Variants in AKAP19 observed in about 807,000 individuals in gnomAD.
AKAP19 encodes the protein A-kinase anchoring protein 19, also known as small A-kinase anchoring protein.
chr2:190,048,976 T>G, the AKAP19 span, among the ~76,000 whole-genome samples: 13 of 152,284 alleles, frequency 8.5e-5, no homozygotes, highest in African/African-American at 3.1e-4. Flanking sequence ...AGATGCATTT[T>G]GGAATATACT....
chr2:189,902,388 A>G, the AKAP19 span, among the ~76,000 whole-genome samples: 1 of 151,996 alleles, frequency 6.6e-6, no homozygotes, highest in African/African-American at 2.4e-5. Flanking sequence ...GAGGATTAAT[A>G]TGAGAATTAA....
At chr2:190,168,479 A>T in the AKAP19 span, among the ~76,000 whole-genome samples, 1 of 151,970 alleles carries the variant, frequency 6.6e-6, no homozygotes, top group South Asian at 2.1e-4. Flanking sequence ...TACTTATACA[A>T]ATTTCTGCAG....
the AKAP19 span, among the ~76,000 whole-genome samples, chr2:189,880,563 C>CAGTG: frequency 6.6e-6 from 1 of 152,094 alleles, no homozygotes; most frequent in East Asian, 1.9e-4. Flanking sequence ...AAGGAATAGT[C>CAGTG]AGTGTATTGT....
At chr2:189,947,762 T>TG in the AKAP19 span, among the ~76,000 whole-genome samples, 1 of 152,194 alleles carries the variant, frequency 6.6e-6, no homozygotes, top group Admixed American at 6.5e-5. Flanking sequence ...AGATTACTCT[T>TG]GGTGATTTCT....
chr2:189,965,799 G>A, the AKAP19 span, among the ~76,000 whole-genome samples: 1,106 of 152,226 alleles, frequency 7.3e-3, 12 homozygotes, highest in Non-Finnish European at 0.012. Flanking sequence ...CCACTACTAG[G>A]TATCTACCCA....
the AKAP19 span, among the ~76,000 whole-genome samples, chr2:189,974,386 G>A: frequency 6.6e-6 from 1 of 152,144 alleles, no homozygotes; most frequent in African/African-American, 2.4e-5. Context: ...GCTGAGGAGT[G>A]CTTTACTTCC....
the AKAP19 span, among the ~76,000 whole-genome samples, chr2:190,179,998 AGTGGTATTCAATG>A: frequency 6.6e-6 from 1 of 152,244 alleles, no homozygotes; most frequent in Non-Finnish European, 1.5e-5. The surrounding 1 kb of genome is among the most constrained non-coding windows in gnomAD (Gnocchi z 6.0). Context: ...GTTTTGAGGC[AGTGGTATTCAATG>A]CTTTAAAGAG....
chr2:190,145,965 G>A, the AKAP19 span, among the ~76,000 whole-genome samples: 1 of 121,348 alleles, frequency 8.2e-6, no homozygotes, highest in South Asian at 3.1e-4. Context: ...CTTCCTGATG[G>A]TTATTCCATT....
chr2:190,158,416 G>A, the AKAP19 span, among the ~76,000 whole-genome samples: 19 of 152,034 alleles, frequency 1.2e-4, no homozygotes, highest in Non-Finnish European at 1.3e-4. Flanking sequence ...AATTGGTGAC[G>A]TATTTCTCAC....
the AKAP19 span, among the ~76,000 whole-genome samples, chr2:190,033,225 A>G: frequency 6.6e-6 from 1 of 152,216 alleles, no homozygotes; most frequent in Non-Finnish European, 1.5e-5. Context: ...TTTTTAAATT[A>G]TATATACTCT....
the AKAP19 span, among the ~76,000 whole-genome samples, chr2:190,097,064 A>AT: frequency 2.6e-5 from 4 of 151,786 alleles, no homozygotes; most frequent in Admixed American, 6.6e-5. Flanking sequence ...AAGTCTCAAA[A>AT]TTTTTTTTTC....
At chr2:190,050,891 G>T in the AKAP19 span, among the ~76,000 whole-genome samples, 3 of 152,174 alleles carry the variant, frequency 2.0e-5, no homozygotes, top group African/African-American at 7.2e-5. Context: ...TAGAAGTTCA[G>T]ACATTTGAGA....
chr2:190,018,008 C>G, the AKAP19 span, among the ~76,000 whole-genome samples: 3 of 152,202 alleles, frequency 2.0e-5, no homozygotes, highest in Non-Finnish European at 4.4e-5. Context: ...GCTGAGAAAT[C>G]TGCTGATAGC....
chr2:190,135,855 T>A, the AKAP19 span, among the ~76,000 whole-genome samples: 2 of 152,222 alleles, frequency 1.3e-5, no homozygotes, highest in Admixed American at 6.5e-5. Context: ...CACATGAAGA[T>A]GCCAATTTAC....
chr2:189,932,935 T>C, the AKAP19 span, among the ~76,000 whole-genome samples: 1 of 152,138 alleles, frequency 6.6e-6, no homozygotes, highest in South Asian at 2.1e-4. Context: ...TTTGTATCAT[T>C]GTTAGGGTCC....
chr2:189,941,478 G>A, the AKAP19 span, among the ~76,000 whole-genome samples: 1 of 151,798 alleles, frequency 6.6e-6, no homozygotes, highest in African/African-American at 2.4e-5. Flanking sequence ...ATGTGGGAGG[G>A]TGGCGAGAAT....
the AKAP19 span, among the ~76,000 whole-genome samples, chr2:190,017,247 G>C: frequency 5.9e-5 from 9 of 151,954 alleles, no homozygotes; most frequent in African/African-American, 1.9e-4. Context: ...CCATCTTTTT[G>C]TTGGAGAATA....
the AKAP19 span, chr2:190,199,926 T>TGAGAGTGAA: frequency 6.2e-7 from 1 of 1,613,958 alleles, no homozygotes; most frequent in African/African-American, 1.3e-5. Flanking sequence ...AGAAGCAGCA[T>TGAGAGTGAA]GAGAGTGAAG....
the AKAP19 span, among the ~76,000 whole-genome samples, chr2:190,014,215 T>C: frequency 6.6e-6 from 1 of 152,186 alleles, no homozygotes; most frequent in Non-Finnish European, 1.5e-5. Flanking sequence ...CACATTGCTG[T>C]AAAAAATGCC....
Sources: gnomAD v4.1 joint callset for allele counts (sites outside exome capture counted in the v4.1 genomes callset) on GRCh38, gnomAD v4.1.1 for gene constraint, Gnocchi (gnomAD v3.1) non-coding constraint, MANE v1.5 for transcripts, NCBI Gene and HGNC (gene_info 2026-07-23, HGNC 2026-07-21) for gene names.